Variants in NPSR1 observed in about 807,000 individuals in gnomAD.
The protein encoded by NPSR1 is neuropeptide S receptor 1.
A neutral mutation model predicts 46.9 loss-of-function variants in NPSR1; 48 were observed. That is an observed-to-expected ratio of 1.02 (90% CI 0.81 to 1.30). NPSR1 has a LOEUF of 1.30. Among genes scored for constraint, NPSR1 ranks in the 50% most tolerant of loss-of-function variants. The pLI is 0.00. For synonymous variants in NPSR1, 176 were observed against 168.1 expected, an observed-to-expected ratio of 1.05 and a Z score of -0.36; for missense variants, 450 against 449.5, an observed-to-expected ratio of 1.00 and a Z score of -0.01.
chr7:34,872,560 T>A (rs1466048120), intron 8 of NPSR1, among the ~76,000 whole-genome samples: 1 of 151,828 alleles, frequency 6.6e-6, no homozygotes, highest in African/African-American at 2.4e-5. Context: ...GATAGAGACA[T>A]ACCCAAGACT....
intron 3 of NPSR1, among the ~76,000 whole-genome samples, chr7:34,790,588 T>G (rs900749917): frequency 1.3e-5 from 2 of 149,512 alleles, no homozygotes; most frequent in Admixed American, 1.3e-4. Context: ...CAAACTTAAA[T>G]TTTCTGTTTG....
At chr7:34,784,600 G>C (rs1226993520) in intron 3 of NPSR1, among the ~76,000 whole-genome samples, 1 of 152,018 alleles carries the variant, frequency 6.6e-6, no homozygotes, top group Non-Finnish European at 1.5e-5. Flanking sequence ...ATTTTATTGA[G>C]GATTTTTCCA....
At chr7:34,823,402 A>AAAG (rs1562756154) in intron 4 of NPSR1, among the ~76,000 whole-genome samples, 3 of 144,396 alleles carry the variant, frequency 2.1e-5, no homozygotes, top group African/African-American at 8.3e-5. Context: ...TTCACCAGAA[A>AAAG]AAAAAAAAAA....
intron 2 of NPSR1, among the ~76,000 whole-genome samples, chr7:34,757,776 G>A (rs1217860634): frequency 6.6e-6 from 1 of 152,236 alleles, no homozygotes; most frequent in East Asian, 1.9e-4. Flanking sequence ...AGTCTGCTCC[G>A]CATATCTGCT....
intron 8 of NPSR1, among the ~76,000 whole-genome samples, chr7:34,876,355 G>A (rs1791573430): frequency 6.6e-6 from 1 of 152,196 alleles, no homozygotes; most frequent in South Asian, 2.1e-4. Flanking sequence ...ACATGCAGAT[G>A]CTGATATTAG....
At chr7:34,680,092 T>C (rs1358566357) in intron 1 of NPSR1, among the ~76,000 whole-genome samples, 1 of 152,162 alleles carries the variant, frequency 6.6e-6, no homozygotes, top group Non-Finnish European at 1.5e-5. Flanking sequence ...TTATTGATTT[T>C]ATGCATAACA....
chr7:34,833,557 C>T (rs532592888), intron 5 of NPSR1, among the ~76,000 whole-genome samples: 11 of 152,298 alleles, frequency 7.2e-5, no homozygotes, highest in African/African-American at 2.4e-4. Flanking sequence ...TTTGTAGAAC[C>T]TCAACTGAGG....
chr7:34,832,803 G>T (rs1790179753), intron 5 of NPSR1, among the ~76,000 whole-genome samples: 1 of 152,156 alleles, frequency 6.6e-6, no homozygotes, highest in African/African-American at 2.4e-5. Context: ...GGTTGCAATT[G>T]ACATAACCAT....
At position 34,792,653 on chromosome 7, in the gene NPSR1, G is replaced by GTA. The variant is rs1301581148; in HGVS notation, c.384+14098_384+14099dup. On this transcript the variant is annotated intron_variant, in intron 3 of 8. Coordinates refer to ENST00000360581, the MANE Select transcript of NPSR1 (RefSeq NM_207172.2). The stretch of plus-strand genomic sequence containing the variant: ...TGTGTGTGTATGTGTATATATATAT[G>GTA]TATATATATATTTATATATATGTAT... Among the ~76,000 whole-genome samples, 235 of 89,422 alleles carry GTA rather than the reference G, an allele frequency of 2.6e-3. 7 individuals carry two copies. The highest frequency in any genetic ancestry group is 4.3e-3 in the Non-Finnish European group (195 of 45,818). 58.7% of individuals were successfully genotyped at this position (89,422 alleles called of 152,430 possible).
chr7:34,811,299 C>T (rs2128750807), intron 3 of NPSR1, among the ~76,000 whole-genome samples: 1 of 152,218 alleles, frequency 6.6e-6, no homozygotes, highest in South Asian at 2.1e-4. Flanking sequence ...TGATCTTCCC[C>T]TGGAGTTTGG....
intron 7 of NPSR1, among the ~76,000 whole-genome samples, chr7:34,846,529 A>G (rs12154548): frequency 0.18 from 27,492 of 152,188 alleles, 2,775 homozygotes; most frequent in Non-Finnish European, 0.24. Context: ...ATTAATTAAA[A>G]TGTATACCAA....
intron 3 of NPSR1, among the ~76,000 whole-genome samples, chr7:34,791,158 TTA>T (rs1310197842): frequency 3.9e-5 from 5 of 129,188 alleles, no homozygotes; most frequent in South Asian, 2.3e-4. Flanking sequence ...ATGTTATATA[TTA>T]TATATGTTAT....
Position 34,834,263 on chromosome 7 carries a change from G to A in NPSR1, c.681-121G>A, listed in dbSNP as rs538214076. The A allele has an allele frequency of 1.5e-5, 11 of 737,492 alleles. No individual in the cohort carries two copies. The South Asian group carries it at 1.8e-4, about 12-fold the overall frequency. 45.7% of individuals were successfully genotyped at this position (737,492 alleles called of 1,614,324 possible). A position where few individuals can be genotyped will look rare whatever the true frequency, so the allele number is the denominator to read the frequency against. On this transcript the variant is annotated intron_variant, in intron 5 of 8. Transcript: ENST00000360581. ...ATGAACAGCAAGTATAAGGGGGCAG[G>A]CATGGTTAAAAGATCTGTCCCTTCA...
At chr7:34,872,310 G>A (rs1272579999) in intron 8 of NPSR1, among the ~76,000 whole-genome samples, 3 of 151,888 alleles carry the variant, frequency 2.0e-5, no homozygotes, top group African/African-American at 7.3e-5. Context: ...CCGTAGGCCT[G>A]GCCCCCTAAG....
chr7:34,864,374 TAA>T (rs11339185), intron 8 of NPSR1, among the ~76,000 whole-genome samples: 16 of 129,226 alleles, frequency 1.2e-4, no homozygotes, highest in African/African-American at 2.7e-4. Flanking sequence ...AGTATAATAA[TAA>T]AAAAAAAAGA....
chr7:34,792,548 C>CAT (rs1180000608), intron 3 of NPSR1, among the ~76,000 whole-genome samples: 3 of 126,382 alleles, frequency 2.4e-5, no homozygotes, highest in African/African-American at 9.5e-5. Context: ...TACACACACA[C>CAT]ATATATATGT....
intron 1 of NPSR1, among the ~76,000 whole-genome samples, chr7:34,659,110 C>G (rs1249047923): frequency 1.3e-5 from 2 of 152,164 alleles, no homozygotes; most frequent in African/African-American, 4.8e-5. Flanking sequence ...CAACAAATTA[C>G]CTCCTAGAAC....
Position 34,794,467 on chromosome 7 carries a change from A to T in NPSR1, c.384+15902A>T, listed in dbSNP as rs915433108. ...TTAAGATGGACCAATTCCTTGAAAG[A>T]TACAGTCTATTATAACTCATACAGG... On this transcript the variant is annotated intron_variant, in intron 3 of 8. Transcript: ENST00000360581. 2.0e-5 allele frequency among the ~76,000 whole-genome samples: 3 copies of T among 152,312 alleles called. No individual in the cohort carries two copies. The East Asian group carries it at 5.8e-4, about 29-fold the overall frequency.
At chr7:34,689,722 C>G (rs556203271) in intron 2 of NPSR1, among the ~76,000 whole-genome samples, 2 of 149,996 alleles carry the variant, frequency 1.3e-5, no homozygotes, top group East Asian at 2.0e-4. Flanking sequence ...GCCGGCAAAT[C>G]ACTTGAGCTT....
Sources: gnomAD v4.1 joint callset for allele counts (sites outside exome capture counted in the v4.1 genomes callset) on GRCh38, gnomAD v4.1.1 for gene constraint, MANE v1.5 for transcripts, NCBI Gene and HGNC (gene_info 2026-07-23, HGNC 2026-07-21) for gene names.